Variants in AFDN observed in about 807,000 individuals in gnomAD.
The protein encoded by AFDN is afadin, adherens junction formation factor.
In AFDN, 68 loss-of-function variants were observed where a neutral mutation model predicts 216.6. The observed-to-expected ratio is 0.31, with a 90% CI of 0.26 to 0.38. The LOEUF (loss-of-function observed/expected upper bound fraction) is 0.38, where lower values mean the gene tolerates loss of function less well. Among genes scored for constraint, AFDN ranks in the 10% least tolerant of loss-of-function variants. The pLI is 1.00. For synonymous variants in AFDN, 868 were observed against 853.7 expected, an observed-to-expected ratio of 1.02 and a Z score of -0.29; for missense variants, 2,136 against 2,342.0, an observed-to-expected ratio of 0.91 and a Z score of 1.82.
At chr6:167,965,647 A>ACTATGT in intron 31 of AFDN, 110 bp from the exon 32 acceptor site, 1 of 1,033,930 alleles carries the variant, frequency 9.7e-7, no homozygotes. Context: ...TGTAACTATT[A>ACTATGT]AACTTTGACG....
chr6:167,856,175 C>T (rs1782877191), intron 1 of AFDN, among the ~76,000 whole-genome samples: 1 of 152,018 alleles, frequency 6.6e-6, no homozygotes, highest in African/African-American at 2.4e-5. Context: ...GTTCAAGTAG[C>T]GCTTATTTTA....
intron 1 of AFDN, among the ~76,000 whole-genome samples, chr6:167,859,071 G>GTTTT (rs933336720): frequency 3.7e-5 from 4 of 109,036 alleles, no homozygotes; most frequent in African/African-American, 6.6e-5. Context: ...GGCCGTTCTT[G>GTTTT]TTTTTTTTTT....
intron 32 of AFDN, 183 bp downstream of exon 32, chr6:167,966,228 C>T: frequency 3.9e-6 from 6 of 1,531,636 alleles, no homozygotes; most frequent in South Asian, 1.2e-5. Context: ...GCCCCTGCCC[C>T]CTCCAAAAAA....
intron 23 of AFDN, among the ~76,000 whole-genome samples, chr6:167,928,783 C>G (rs565823811): frequency 6.6e-6 from 1 of 152,378 alleles, no homozygotes; most frequent in Non-Finnish European, 1.5e-5. Flanking sequence ...CACACCCAGC[C>G]TCTGCTAATC....
chr6:167,927,991 C>T (rs536455725), intron 23 of AFDN, among the ~76,000 whole-genome samples: 1 of 152,306 alleles, frequency 6.6e-6, no homozygotes, highest in African/African-American at 2.4e-5. Flanking sequence ...TATGTTCATC[C>T]TGTAACCTTA....
At chr6:167,896,774 G>T in intron 9 of AFDN, 104 bp from the exon 10 acceptor site, 2 of 609,296 alleles carry the variant, frequency 3.3e-6, no homozygotes, top group Non-Finnish European at 2.8e-6. Context: ...GAAATCCTGA[G>T]AAATGAGAAC....
chr6:167,862,176 A>G (rs1214577211), intron 1 of AFDN, among the ~76,000 whole-genome samples: 1 of 152,262 alleles, frequency 6.6e-6, no homozygotes, highest in African/African-American at 2.4e-5. Context: ...GTAGCGGCAG[A>G]TGCTTGAATG....
chr6:167,951,360 G>A lies in AFDN; in HGVS notation c.4006G>A (p.Val1336Ile). ...GCATCTGAACCATTCCTCTAAGTCG[G>A]TCACCCCTGCTTCCACACTGACCAA... ...QEHLNHSSKS[V>I]TPASTLTKSG... The change falls in exon 30 of 34, where the codon GTC (valine) becomes ATC (isoleucine). Residue 1336 changes from valine (V) to isoleucine (I), a missense_variant. By Grantham distance (29) the Val-to-Ile change is conservative. Transcript: ENST00000683244. This position sits in a 1 kb window ranked among gnomAD's most constrained non-coding sequence, Gnocchi z 7.1. 2 of 1,614,090 alleles carry A rather than the reference G, an allele frequency of 1.2e-6. No individual in the cohort carries two copies. The highest frequency in any genetic ancestry group is 1.7e-6 in the Non-Finnish European group (2 of 1,180,004).
intron 2 of AFDN, among the ~76,000 whole-genome samples, chr6:167,868,734 G>A (rs920163729): frequency 7.0e-6 from 1 of 143,010 alleles, no homozygotes; most frequent in Non-Finnish European, 1.5e-5. Flanking sequence ...GCTTGATGGA[G>A]TTTTTACTAT....
chr6:167,858,485 A>G (rs1342877617), intron 1 of AFDN, among the ~76,000 whole-genome samples: 1 of 152,202 alleles, frequency 6.6e-6, no homozygotes. Context: ...AAGTCCAGAA[A>G]TATTTTGTTC....
intron 30 of AFDN, among the ~76,000 whole-genome samples, chr6:167,956,410 C>T (rs1421775566): frequency 1.3e-5 from 2 of 152,100 alleles, no homozygotes; most frequent in Admixed American, 1.3e-4. Flanking sequence ...CTGCTCTTCC[C>T]TCTGGTCTCT....
At chr6:167,943,573 T>G (rs1292356150) in intron 25 of AFDN, 98 bp downstream of exon 25, 2 of 936,136 alleles carry the variant, frequency 2.1e-6, no homozygotes, top group African/African-American at 1.6e-5. Context: ...TGCTAAAACG[T>G]GCTCATATTA....
chr6:167,904,727 A>C (rs980473864), intron 12 of AFDN, among the ~76,000 whole-genome samples: 2 of 152,132 alleles, frequency 1.3e-5, no homozygotes, highest in African/African-American at 4.8e-5. Context: ...CAGCCTCTGC[A>C]TGCAGGGGTT....
chr6:167,911,964 C>T (rs530483065), intron 15 of AFDN: 5 of 174,688 alleles, frequency 2.9e-5, no homozygotes, highest in South Asian at 1.3e-4. Flanking sequence ...TCCCTGGTAA[C>T]GCCTTCTTAG....
chr6:167,931,861 T>C (rs1420090651), intron 23 of AFDN, among the ~76,000 whole-genome samples: 1 of 152,210 alleles, frequency 6.6e-6, no homozygotes, highest in Non-Finnish European at 1.5e-5. Context: ...TGTTTATGCC[T>C]GGGCTTTTCA....
At chr6:167,960,310 A>C (rs1366417528) in intron 30 of AFDN, among the ~76,000 whole-genome samples, 3 of 152,218 alleles carry the variant, frequency 2.0e-5, no homozygotes, top group African/African-American at 7.2e-5. Flanking sequence ...ACACAAGTGG[A>C]GGCTCCTTGC....
chr6:167,929,681 G>T (rs1793041179), intron 23 of AFDN, among the ~76,000 whole-genome samples: 1 of 152,206 alleles, frequency 6.6e-6, no homozygotes, highest in Non-Finnish European at 1.5e-5. Flanking sequence ...CCTCCGTGAG[G>T]AGTCAGACGG....
Position 167,893,166 on chromosome 6 carries a change from G to T in AFDN, c.1178-696G>T, listed in dbSNP as rs143363351. 2.2e-3 allele frequency among the ~76,000 whole-genome samples: 339 copies of T among 152,262 alleles called. 3 individuals are homozygous for T. The highest frequency in any genetic ancestry group is 0.02 in the East Asian group (102 of 5,172). On this transcript the variant is annotated intron_variant, in intron 8 of 33. Transcript: ENST00000683244. ...GCCACTATTTTAAGGGTGACCTAAG[G>T]GTTGGTGGCAGGCCTGAATGCAAGG...
rs915103246 is a variant in AFDN, at chr6:167,827,089, C to T, written c.-44C>T. The T allele has an allele frequency of 1.3e-5, 14 of 1,109,304 alleles. No homozygotes were observed. Among genetic ancestry groups the T allele is most frequent in the East Asian group, 1.6e-4 (2 of 12,136 alleles). 68.7% of individuals were successfully genotyped at this position (1,109,304 alleles called of 1,614,324 possible). On this transcript the variant is annotated 5_prime_UTR_variant, in exon 1 of 34. Transcript: ENST00000683244. ...GCGGACCTGTCGTCCTCGGCCCGTCCTCCGGCCCCGGCCCCGCGCGGCTGA... is the reference window on the plus strand; with the variant it reads ...GCGGACCTGTCGTCCTCGGCCCGTCTTCCGGCCCCGGCCCCGCGCGGCTGA...
Sources: gnomAD v4.1 joint callset for allele counts (sites outside exome capture counted in the v4.1 genomes callset) on GRCh38, gnomAD v4.1.1 for gene constraint, Gnocchi (gnomAD v3.1) non-coding constraint, MANE v1.5 for transcripts, NCBI Gene and HGNC (gene_info 2026-07-23, HGNC 2026-07-21) for gene names.